GYS2: variants seen among roughly 807,000 people sequenced by gnomAD.
GYS2 encodes the protein glycogen synthase 2, also known as glycogen [starch] synthase, liver.
A neutral mutation model predicts 85.6 loss-of-function variants in GYS2; 80 were observed. The ratio of observed to expected loss-of-function variants is 0.93; its 90% CI spans 0.78 to 1.13. The LOEUF (loss-of-function observed/expected upper bound fraction) is 1.13, where lower values mean the gene tolerates loss of function less well. Ranked by LOEUF, GYS2 falls within the 50% of genes most tolerant of loss-of-function variation. The pLI, the probability that GYS2 is intolerant of heterozygous loss-of-function variation, is 0.00. For synonymous variants in GYS2, 328 were observed against 300.7 expected (o/e 1.09, Z -0.94); for missense variants, 881 against 854.9 (o/e 1.03, Z -0.38).
chr12:21,574,472 G>T, intron 3 of GYS2, 146 bp from the exon 4 acceptor site: 1 of 654,510 alleles, frequency 1.5e-6, no homozygotes. Context: ...TATTTAGCAA[G>T]GATAATACAG....
intron 3 of GYS2, among the ~76,000 whole-genome samples, chr12:21,575,236 C>G (rs148669092): frequency 7.4e-4 from 112 of 152,244 alleles, no homozygotes; most frequent in African/African-American, 2.6e-3. Context: ...AGCTTTGTAA[C>G]ACACTGAAGA....
chr12:21,543,748 C>T (rs1944006793), intron 12 of GYS2, among the ~76,000 whole-genome samples: 1 of 152,120 alleles, frequency 6.6e-6, no homozygotes, highest in African/African-American at 2.4e-5. Context: ...TCACCTCGCC[C>T]CACAACCCGA....
chr12:21,558,342 A>G (rs767814186), intron 10 of GYS2, 29 bp from the exon 11 acceptor site: 6 of 1,378,578 alleles, frequency 4.4e-6, no homozygotes, highest in Admixed American at 3.4e-5. Context: ...GGAAATATCA[A>G]TTGCGGAAAG....
rs543671218 is a variant in GYS2, at chr12:21,575,375, G to A, written c.495+491C>T. Among the ~76,000 whole-genome samples, 11 of 152,236 alleles carry A rather than the reference G, an allele frequency of 7.2e-5. No individual in the cohort carries two copies. In the East Asian group the frequency reaches 2.1e-3, roughly 29 times the overall value. ...AACATTCACACTGACTCCACAATGAGAGTTCATTTCCTTAATAGAGACAAT... is the reference window on the plus strand; with the variant it reads ...AACATTCACACTGACTCCACAATGAAAGTTCATTTCCTTAATAGAGACAAT... On this transcript the variant is annotated intron_variant, in intron 3 of 15. Coordinates refer to ENST00000261195, the MANE Select transcript of GYS2 (RefSeq NM_021957.4).
In GYS2 at chr12:21,549,125, G is replaced by T. The variant is rs1420431660; in HGVS notation, c.1423-2655C>A. On this transcript the variant is annotated intron_variant, in intron 11 of 15. Coordinates refer to ENST00000261195, the MANE Select transcript of GYS2 (RefSeq NM_021957.4). Reference sequence around the variant, plus strand: ...AAATATTACTAATGACAAGAGCATGGCTATAATTGGAAAGTTGTGACTAGA... The same window carrying T: ...AAATATTACTAATGACAAGAGCATGTCTATAATTGGAAAGTTGTGACTAGA... 3.3e-5 allele frequency among the ~76,000 whole-genome samples: 5 copies of T among 152,120 alleles called. No individual in the cohort carries two copies. The East Asian group carries it at 9.6e-4, about 29-fold the overall frequency.
At chr12:21,599,070 G>GCT (rs112659560) in intron 1 of GYS2, among the ~76,000 whole-genome samples, 142,080 of 149,348 alleles carry the variant, frequency 0.95, 67,892 homozygotes, top group South Asian at 1. Flanking sequence ...CCTCTCTCTC[G>GCT]CTCTCTCTCT....
At chr12:21,553,592 A>G (rs1374340371) in intron 11 of GYS2, among the ~76,000 whole-genome samples, 1 of 152,202 alleles carries the variant, frequency 6.6e-6, no homozygotes, top group Non-Finnish European at 1.5e-5. Context: ...CCCTATCCCT[A>G]TTAATAGGAA....
intron 2 of GYS2, 60 bp from the exon 3 acceptor site, chr12:21,576,117 A>G (rs1353741618): frequency 1.4e-5 from 18 of 1,323,732 alleles, no homozygotes; most frequent in Non-Finnish European, 1.7e-5. Context: ...AGGACAATGT[A>G]TTTGCACTCT....
chr12:21,580,602 G>T (rs1944498006), intron 1 of GYS2, 79 bp from the exon 2 acceptor site: 1 of 1,062,242 alleles, frequency 9.4e-7, no homozygotes. Context: ...AATGAGTTCA[G>T]ATTTTTAAAT....
chr12:21,582,047 A>G (rs943073824), intron 1 of GYS2, among the ~76,000 whole-genome samples: 1 of 152,120 alleles, frequency 6.6e-6, no homozygotes, highest in South Asian at 2.1e-4. Flanking sequence ...GACCGAATCA[A>G]CAGAGTAAAC....
At position 21,580,510 on chromosome 12, in the gene GYS2, A is replaced by G. The variant is rs1944497049; in HGVS notation, c.135T>C (p.Tyr45=). Residue 45 remains tyrosine (Y), a synonymous_variant, in exon 2 of 16, where the codon TAT becomes TAC. Coordinates refer to ENST00000261195, the MANE Select transcript of GYS2 (RefSeq NM_021957.4). ...TTTTGGCCTTTGTCTGAATCACAGT[A>G]TAGATGCCTCCAACTGTTAAAAGGA... ...WEVTNKVGGI[Y]TVIQTKAKTT... is the part of the protein sequence containing the mutation. 8.1e-6 allele frequency: 13 copies of G among 1,612,928 alleles called. No individual in the cohort carries two copies. The highest frequency in any genetic ancestry group is 1.1e-5 in the Non-Finnish European group (13 of 1,179,158).
chr12:21,578,732 G>T (rs1344411384), intron 2 of GYS2, among the ~76,000 whole-genome samples: 1 of 151,904 alleles, frequency 6.6e-6, no homozygotes, highest in Non-Finnish European at 1.5e-5. Flanking sequence ...AGTGAGACAA[G>T]CGAAAAATGA....
chr12:21,600,825 T>C (rs1311892144), intron 1 of GYS2, among the ~76,000 whole-genome samples: 1 of 152,148 alleles, frequency 6.6e-6, no homozygotes, highest in Non-Finnish European at 1.5e-5. Flanking sequence ...TATAATTTCT[T>C]CCATAACCAC....
At chr12:21,533,163 C>T (rs1023860657), downstream of GYS2, among the ~76,000 whole-genome samples, 3 of 152,170 alleles carry the variant, frequency 2.0e-5, no homozygotes, top group African/African-American at 7.2e-5. Flanking sequence ...CTGCACAGTT[C>T]TCATTGCCCT....
intron 1 of GYS2, among the ~76,000 whole-genome samples, chr12:21,598,658 T>G (rs1944721736): frequency 6.6e-6 from 1 of 152,120 alleles, no homozygotes; most frequent in Non-Finnish European, 1.5e-5. Context: ...TTTTCATATT[T>G]GAGGTATAAA....
At chr12:21,574,355 A>C (rs1245009035) in intron 3 of GYS2, 29 bp from the exon 4 acceptor site, 5 of 1,566,474 alleles carry the variant, frequency 3.2e-6, no homozygotes, top group Non-Finnish European at 4.4e-6. Context: ...AGCATTCAGA[A>C]AAGTTGTTGA....
chr12:21,571,530 A>G (rs1348245704), intron 4 of GYS2, among the ~76,000 whole-genome samples: 1 of 152,224 alleles, frequency 6.6e-6, no homozygotes, highest in Non-Finnish European at 1.5e-5. Context: ...ATAACCCTGT[A>G]ATTGAAGTTG....
At position 21,575,742 on chromosome 12, in the gene GYS2, T is replaced by C. The variant is rs987589188; in HGVS notation, c.495+124A>G. 20 of 785,076 alleles carry C rather than the reference T, an allele frequency of 2.5e-5. No homozygotes were observed. The African/African-American group carries it at 3.2e-4, about 13-fold the overall frequency. 48.6% of individuals were successfully genotyped at this position (785,076 alleles called of 1,614,324 possible). On this transcript the variant is annotated intron_variant, in intron 3 of 15. Transcript: ENST00000261195. Reference sequence around the variant, plus strand: ...CATTTCCTCAGATTTCTTTCAATTGTATTAGGACAAGCCATAATGGCATCA... The same window carrying C: ...CATTTCCTCAGATTTCTTTCAATTGCATTAGGACAAGCCATAATGGCATCA...
chr12:21,540,704 C>G, intron 13 of GYS2, 131 bp from the exon 14 acceptor site: 1 of 766,922 alleles, frequency 1.3e-6, no homozygotes, highest in African/African-American at 1.8e-5. Context: ...CAGGAATTAC[C>G]CCCACTTTAT....
Sources: gnomAD v4.1 joint callset for allele counts (sites outside exome capture counted in the v4.1 genomes callset) on GRCh38, gnomAD v4.1.1 for gene constraint, MANE v1.5 for transcripts, NCBI Gene and HGNC (gene_info 2026-07-23, HGNC 2026-07-21) for gene names.